The following CHST9 variants were observed in gnomAD, a reference collection of about 807,000 sequenced individuals.
CHST9 encodes carbohydrate sulfotransferase 9.
CHST9 carries 41 observed loss-of-function variants against 44.4 expected under a neutral mutation model. The ratio of observed to expected loss-of-function variants is 0.92; its 90% CI spans 0.72 to 1.20. CHST9 has a LOEUF of 1.20. Ranked by LOEUF, CHST9 falls within the 50% of genes most tolerant of loss-of-function variation. CHST9 has a pLI of 0.00. For synonymous variants in CHST9, 171 were observed against 178.4 expected, an observed-to-expected ratio of 0.96 and a Z score of 0.33; for missense variants, 504 against 516.5, an observed-to-expected ratio of 0.98 and a Z score of 0.23.
intron 4 of CHST9, among the ~76,000 whole-genome samples, chr18:27,002,290 T>C (rs1013112678): frequency 2.6e-5 from 4 of 152,138 alleles, no homozygotes; most frequent in African/African-American, 7.2e-5. Flanking sequence ...ATTTCCTTTA[T>C]TGCATTATGT....
At position 26,982,493 on chromosome 18, in the gene CHST9, C is replaced by T. The variant is rs145378828; in HGVS notation, c.203-38127G>A. Among the ~76,000 whole-genome samples, 10 of 152,154 alleles carry T rather than the reference C, an allele frequency of 6.6e-5. No individual in the cohort carries two copies. In the South Asian group the frequency reaches 1.0e-3, roughly 16 times the overall value. ...AAACTCAACATATGTCACTAAGGAA[C>T]CTTTTGGTTCATTCAGCCATTCACT... On this transcript the variant is annotated intron_variant, in intron 4 of 5. Transcript: ENST00000618847.
chr18:26,957,372 G>A (rs1023567182), intron 4 of CHST9, among the ~76,000 whole-genome samples: 1 of 152,110 alleles, frequency 6.6e-6, no homozygotes, highest in African/African-American at 2.4e-5. Flanking sequence ...TTTGACAGAT[G>A]GCTAAGAGGA....
intron 2 of CHST9, among the ~76,000 whole-genome samples, chr18:27,064,108 A>G (rs1238787275): frequency 6.6e-6 from 1 of 152,082 alleles, no homozygotes; most frequent in Non-Finnish European, 1.5e-5. Flanking sequence ...GTAAAGAAAA[A>G]TCAGGCCTGA....
At chr18:26,942,058 T>C (rs2056091188) in intron 5 of CHST9, among the ~76,000 whole-genome samples, 1 of 147,166 alleles carries the variant, frequency 6.8e-6, no homozygotes, top group South Asian at 2.1e-4. Flanking sequence ...TCAGCAGCGC[T>C]CCATTTTGCC....
chr18:26,918,406 T>C (rs964199638), intron 5 of CHST9, among the ~76,000 whole-genome samples: 1 of 152,086 alleles, frequency 6.6e-6, no homozygotes, highest in Admixed American at 6.6e-5. Flanking sequence ...ACATAATGCA[T>C]GGTGTCATCA....
intron 1 of CHST9, among the ~76,000 whole-genome samples, chr18:27,166,961 TA>T (rs2058795536): frequency 6.6e-6 from 1 of 152,178 alleles, no homozygotes; most frequent in Non-Finnish European, 1.5e-5. Flanking sequence ...GCAAAGGAGC[TA>T]GGGGTAGAGT....
chr18:27,109,795 C>T (rs1297483588), intron 2 of CHST9, among the ~76,000 whole-genome samples: 1 of 152,050 alleles, frequency 6.6e-6, no homozygotes, highest in East Asian at 1.9e-4. Context: ...CAAGGCTGTG[C>T]CCCAGTTACC....
At chr18:26,928,971 GT>G (rs1336013863) in intron 5 of CHST9, among the ~76,000 whole-genome samples, 3 of 152,188 alleles carry the variant, frequency 2.0e-5, no homozygotes, top group Admixed American at 6.5e-5. Flanking sequence ...CATTTTTAAA[GT>G]GGGAATTCCA....
intron 1 of CHST9, among the ~76,000 whole-genome samples, chr18:27,163,541 C>T (rs1010179498): frequency 3.7e-4 from 56 of 152,320 alleles, no homozygotes; most frequent in African/African-American, 1.1e-3. Context: ...GCCTCACTGC[C>T]GCCTTGCAGT....
chr18:27,056,681 G>A lies in CHST9; in HGVS notation c.122-8178C>T, dbSNP rs532314673. Among the ~76,000 whole-genome samples the A allele has an allele frequency of 2.0e-5, 3 of 152,246 alleles. No individual in the cohort carries two copies. The South Asian group carries it at 6.2e-4, about 32-fold the overall frequency. ...GACATAGCAAATAGTACATTGCTAG[G>A]TGCTCCTCTTTATAAGTATTCTGTA... On this transcript the variant is annotated intron_variant, in intron 2 of 5. Coordinates refer to ENST00000618847, the MANE Select transcript of CHST9 (RefSeq NM_031422.6).
intron 1 of CHST9, among the ~76,000 whole-genome samples, chr18:27,182,139 T>G (rs1389024385): frequency 6.6e-5 from 1 of 15,056 alleles, no homozygotes; most frequent in Non-Finnish European, 1.7e-4. Context: ...CTCATTAACA[T>G]GAATAATTCA....
At chr18:27,077,978 G>C (rs940166918) in intron 2 of CHST9, among the ~76,000 whole-genome samples, 1 of 152,080 alleles carries the variant, frequency 6.6e-6, no homozygotes, top group Admixed American at 6.6e-5. Flanking sequence ...AAGAGAGCAT[G>C]AAGGGGGAGG....
intron 3 of CHST9, among the ~76,000 whole-genome samples, chr18:27,041,300 G>T (rs754045411): frequency 3.3e-5 from 5 of 152,136 alleles, no homozygotes; most frequent in Non-Finnish European, 5.9e-5. Context: ...TTTAATTGAA[G>T]ATGAAAGTGT....
At chr18:27,126,384 T>C (rs140953402) in intron 2 of CHST9, among the ~76,000 whole-genome samples, 1 of 152,264 alleles carries the variant, frequency 6.6e-6, no homozygotes, top group Non-Finnish European at 1.5e-5. Flanking sequence ...GATCTCATGG[T>C]CTAGTGGGTT....
chr18:27,049,440 G>A (rs965614198), intron 2 of CHST9, among the ~76,000 whole-genome samples: 1 of 152,092 alleles, frequency 6.6e-6, no homozygotes, highest in Non-Finnish European at 1.5e-5. Flanking sequence ...GAGCTTGTAA[G>A]AGGTCAGAAA....
intron 4 of CHST9, among the ~76,000 whole-genome samples, chr18:26,995,862 G>A (rs769941992): frequency 1.3e-5 from 2 of 152,074 alleles, no homozygotes; most frequent in South Asian, 2.1e-4. Context: ...TTACATTTTC[G>A]TTCTATAATA....
rs1225045673 is a variant in CHST9 at position 27,053,402 on chromosome 18, C to T, written c.122-4899G>A. 2.6e-5 allele frequency among the ~76,000 whole-genome samples: 4 copies of T among 151,762 alleles called. No individual in the cohort carries two copies. In the East Asian group the frequency reaches 7.8e-4, roughly 30 times the overall value. On this transcript the variant is annotated intron_variant, in intron 2 of 5. Transcript: ENST00000618847. ...TCATCCTTGGTGTCTGCTCAGGCAC[C>T]CAAATATAAAACCTAGGAACCACCG...
intron 5 of CHST9, chr18:26,936,102 C>T (rs1410436829): frequency 2.0e-5 from 3 of 152,180 alleles, no homozygotes; most frequent in Middle Eastern, 3.4e-3. Flanking sequence ...AAGAGAAGTC[C>T]GTAGATAGAT....
intron 4 of CHST9, among the ~76,000 whole-genome samples, chr18:27,004,298 G>A (rs1011161069): frequency 2.0e-5 from 3 of 151,476 alleles, no homozygotes; most frequent in Non-Finnish European, 4.4e-5. Flanking sequence ...GCAATGAAAA[G>A]AATCAAGCAG....
Sources: gnomAD v4.1 joint callset for allele counts (sites outside exome capture counted in the v4.1 genomes callset) on GRCh38, gnomAD v4.1.1 for gene constraint, MANE v1.5 for transcripts, NCBI Gene and HGNC (gene_info 2026-07-23, HGNC 2026-07-21) for gene names.